AGPAT3: variants seen among roughly 807,000 people sequenced by gnomAD.
AGPAT3 encodes 1-acyl-sn-glycerol-3-phosphate acyltransferase gamma.
A neutral mutation model predicts 47.3 loss-of-function variants in AGPAT3; 5 were observed. The observed-to-expected ratio is 0.11, with a 90% CI of 0.06 to 0.22. The LOEUF is 0.22. Ranked by LOEUF, AGPAT3 falls within the 10% of genes least tolerant of loss-of-function variation. The pLI, the probability that AGPAT3 is intolerant of heterozygous loss-of-function variation, is 1.00. For missense variants in AGPAT3, 315 were observed against 493.0 expected, an observed-to-expected ratio of 0.64 and a Z score of 3.42; for synonymous variants, 212 against 208.3, an observed-to-expected ratio of 1.02 and a Z score of -0.15.
intron 2 of AGPAT3, among the ~76,000 whole-genome samples, chr21:43,928,123 C>T (rs774617741): frequency 1.3e-5 from 2 of 152,178 alleles, no homozygotes; most frequent in Non-Finnish European, 2.9e-5. Context: ...AATAACCACT[C>T]GGCCCACCGG....
intron 2 of AGPAT3, among the ~76,000 whole-genome samples, chr21:43,936,927 C>T (rs1014759327): frequency 6.6e-6 from 1 of 152,226 alleles, no homozygotes; most frequent in Non-Finnish European, 1.5e-5. Flanking sequence ...CTTTTTTCCT[C>T]TTAAAAAAAT....
chr21:43,959,918 C>T, intron 3 of AGPAT3, 59 bp downstream of exon 3: 1 of 1,518,672 alleles, frequency 6.6e-7, no homozygotes, highest in Non-Finnish European at 8.9e-7. Flanking sequence ...TGGCGCGCGA[C>T]CATGCACGGG....
chr21:43,899,557 T>G (rs1601250607), intron 1 of AGPAT3, among the ~76,000 whole-genome samples: 1 of 152,082 alleles, frequency 6.6e-6, no homozygotes. Flanking sequence ...CCTTACCGAG[T>G]GCGTTGGGGA....
At chr21:43,875,897 C>T (rs13050512) in intron 1 of AGPAT3, among the ~76,000 whole-genome samples, 46,910 of 152,188 alleles carry the variant, frequency 0.31, 7,950 homozygotes, top group East Asian at 0.53. Flanking sequence ...TGTGAGCCAC[C>T]GTGCCCAGCC....
chr21:43,882,205 C>G, intron 1 of AGPAT3, among the ~76,000 whole-genome samples: 1 of 152,254 alleles, frequency 6.6e-6, no homozygotes, highest in East Asian at 1.9e-4. Flanking sequence ...CCCCACATCT[C>G]CTTTGCATAA....
At position 43,971,293 on chromosome 21, in the gene AGPAT3, C is replaced by G. The variant is rs3737359; in HGVS notation, c.665-95C>G. The G allele has an allele frequency of 5.6e-6, 6 of 1,075,620 alleles. No homozygotes were observed. The African/African-American group carries it at 7.7e-5, about 14-fold the overall frequency. 66.6% of individuals were successfully genotyped at this position (1,075,620 alleles called of 1,614,324 possible). A position where few individuals can be genotyped will look rare whatever the true frequency, so the allele number is the denominator to read the frequency against. ...GACCCCTCACGCGTTCTCCCCAGGA[C>G]GGGGCCGGGTCCCAGGTGGAACTTG... On this transcript the variant is annotated intron_variant, in intron 6 of 9. Coordinates refer to ENST00000291572, the MANE Select transcript of AGPAT3 (RefSeq NM_020132.5).
intron 1 of AGPAT3, among the ~76,000 whole-genome samples, chr21:43,895,029 ACTT>A (rs1170528028): frequency 2.0e-5 from 3 of 151,782 alleles, no homozygotes; most frequent in African/African-American, 7.3e-5. Context: ...TTGTTTTGTT[ACTT>A]CTTCTAAATT....
chr21:43,909,836 G>A (rs1210347963), intron 2 of AGPAT3, among the ~76,000 whole-genome samples: 2 of 152,132 alleles, frequency 1.3e-5, no homozygotes, highest in Admixed American at 6.5e-5. Flanking sequence ...CTGGGCCCCC[G>A]CCCTGAGCAT....
At chr21:43,903,418 C>T (rs1319066865) in intron 1 of AGPAT3, among the ~76,000 whole-genome samples, 1 of 152,208 alleles carries the variant, frequency 6.6e-6, no homozygotes, top group East Asian at 1.9e-4. Flanking sequence ...GACGTCACCA[C>T]AATGTAACAC....
Position 43,939,156 on chromosome 21 carries a change from A to G in AGPAT3, c.-48-20478A>G, listed in dbSNP as rs2087558136. ...TGTCTGATGCCGTGGGAGATGCACG[A>G]GCAGTGACTTTCACTTTATCCCACT... On this transcript the variant is annotated intron_variant, in intron 2 of 9. Transcript: ENST00000291572. The surrounding 1 kb of genome is among the most constrained non-coding windows in gnomAD (Gnocchi z 4.4). 6.6e-6 allele frequency among the ~76,000 whole-genome samples: 1 copy of G among 152,160 alleles called. No homozygotes were observed.
intron 2 of AGPAT3, among the ~76,000 whole-genome samples, chr21:43,957,982 A>C (rs1037515195): frequency 6.6e-6 from 1 of 152,212 alleles, no homozygotes; most frequent in Non-Finnish European, 1.5e-5. Flanking sequence ...TGTGCAGGAA[A>C]CCAGAACAGA....
At position 43,955,184 on chromosome 21, in the gene AGPAT3, G is replaced by A. The variant is rs560340986; in HGVS notation, c.-48-4450G>A. The stretch of plus-strand genomic sequence containing the variant: ...GTCCCGGGGCCGTCTCAGAAGCACC[G>A]CGCTGGACCGGCTGGGCCAGATGCC... On this transcript the variant is annotated intron_variant, in intron 2 of 9. Coordinates refer to ENST00000291572, the MANE Select transcript of AGPAT3 (RefSeq NM_020132.5). This position sits in a 1 kb window ranked among gnomAD's most constrained non-coding sequence, Gnocchi z 4.1. 5.3e-4 allele frequency: 676 copies of A among 1,268,686 alleles called. No homozygotes were observed. The highest frequency in any genetic ancestry group is 1.1e-3 in the Admixed American group (44 of 41,676). The allele number at this position is 1,268,686 out of a possible 1,614,324, so 78.6% of individuals were successfully genotyped here.
At chr21:43,874,284 C>T (rs1171295448) in intron 1 of AGPAT3, among the ~76,000 whole-genome samples, 2 of 152,214 alleles carry the variant, frequency 1.3e-5, no homozygotes, top group Admixed American at 1.3e-4. Context: ...CCTCGGCTTC[C>T]CCGAGTGCTG....
At chr21:43,890,337 A>G (rs2086075377) in intron 1 of AGPAT3, among the ~76,000 whole-genome samples, 1 of 152,104 alleles carries the variant, frequency 6.6e-6, no homozygotes, top group Admixed American at 6.5e-5. Context: ...CCAGAAACTG[A>G]GCAGATGCCA....
intron 1 of AGPAT3, among the ~76,000 whole-genome samples, chr21:43,886,055 C>T (rs11700773): frequency 2.1e-4 from 32 of 152,254 alleles, no homozygotes; most frequent in Non-Finnish European, 4.1e-4. Flanking sequence ...GAAGCCGAAG[C>T]CTGCAAAGGG....
intron 1 of AGPAT3, among the ~76,000 whole-genome samples, chr21:43,897,380 C>G (rs1358332233): frequency 6.6e-6 from 1 of 152,120 alleles, no homozygotes; most frequent in East Asian, 1.9e-4. Flanking sequence ...CAGTAACAAT[C>G]TGATCCCTCT....
intron 2 of AGPAT3, among the ~76,000 whole-genome samples, chr21:43,937,432 C>T (rs1395882721): frequency 6.6e-6 from 1 of 152,226 alleles, no homozygotes; most frequent in East Asian, 1.9e-4. Context: ...ATCTGTTCCT[C>T]CTCTGGGCCA....
intron 2 of AGPAT3, chr21:43,946,835 C>G (rs1244252874): frequency 1.3e-5 from 2 of 152,370 alleles, no homozygotes; most frequent in Non-Finnish European, 2.9e-5. Context: ...AATCTGCCAC[C>G]CTTGGAGAAT....
intron 8 of AGPAT3, among the ~76,000 whole-genome samples, chr21:43,978,787 A>G (rs769843506): frequency 4.6e-5 from 7 of 152,374 alleles, no homozygotes; most frequent in Non-Finnish European, 5.9e-5. Context: ...GAAACAAATT[A>G]GGGATGTTAG....
Sources: gnomAD v4.1 joint callset for allele counts (sites outside exome capture counted in the v4.1 genomes callset) on GRCh38, gnomAD v4.1.1 for gene constraint, Gnocchi (gnomAD v3.1) non-coding constraint, MANE v1.5 for transcripts, NCBI Gene and HGNC (gene_info 2026-07-23, HGNC 2026-07-21) for gene names.